The following MBOAT2 variants were observed in gnomAD, a reference collection of about 807,000 sequenced individuals.
MBOAT2 encodes membrane-bound glycerophospholipid O-acyltransferase 2.
A neutral mutation model predicts 63.4 loss-of-function variants in MBOAT2; 28 were observed. That is an observed-to-expected ratio of 0.44 (90% confidence interval 0.33 to 0.61). The LOEUF (loss-of-function observed/expected upper bound fraction) is 0.61, where lower values mean the gene tolerates loss of function less well. Among genes scored for constraint, MBOAT2 ranks in the 20% least tolerant of loss-of-function variants. The probability of loss-of-function intolerance (pLI) is 0.03; values close to 1 mark genes in which losing one functional copy is unlikely to be tolerated. For synonymous variants in MBOAT2, 211 were observed against 215.6 expected (o/e 0.98, Z 0.19); for missense variants, 470 against 605.8 (o/e 0.78, Z 2.35).
rs879169164 is a variant in MBOAT2, at chr2:8,928,359, C to T, written c.299+14828G>A. Among the ~76,000 whole-genome samples the T allele has an allele frequency of 7.9e-5, 12 of 152,110 alleles. 1 individual carries two copies. Among genetic ancestry groups the T allele is most frequent in the Admixed American group, 7.2e-4 (11 of 15,256 alleles). ...AAAGTGAGGGTGCAGAAACATGTGA[C>T]GCTAACGAGGGGCTAAGGTGACCCC... On this transcript the variant is annotated intron_variant, in intron 3 of 12. Coordinates refer to ENST00000305997, the MANE Select transcript of MBOAT2 (RefSeq NM_138799.4).
chr2:8,875,789 A>G (rs1331742981), intron 7 of MBOAT2, among the ~76,000 whole-genome samples: 1 of 152,248 alleles, frequency 6.6e-6, no homozygotes, highest in Non-Finnish European at 1.5e-5. Flanking sequence ...AGAGACACCA[A>G]TTTCAAGTCT....
At chr2:8,925,639 T>C (rs1666881348) in intron 3 of MBOAT2, among the ~76,000 whole-genome samples, 1 of 152,202 alleles carries the variant, frequency 6.6e-6, no homozygotes, top group African/African-American at 2.4e-5. Context: ...AGAATATACA[T>C]GTTAATCATC....
chr2:8,963,305 A>G (rs1669750221), intron 1 of MBOAT2, among the ~76,000 whole-genome samples: 1 of 151,904 alleles, frequency 6.6e-6, no homozygotes, highest in Non-Finnish European at 1.5e-5. Context: ...ACAAAAAGAA[A>G]CTAATTTTTT....
intron 7 of MBOAT2, among the ~76,000 whole-genome samples, chr2:8,874,934 C>T (rs1395353335): frequency 6.6e-6 from 1 of 152,170 alleles, no homozygotes; most frequent in Non-Finnish European, 1.5e-5. Context: ...GAAGATGGAG[C>T]TTGGATCTCT....
At chr2:8,975,509 G>T (rs1012446099) in intron 1 of MBOAT2, among the ~76,000 whole-genome samples, 1 of 152,066 alleles carries the variant, frequency 6.6e-6, no homozygotes, top group African/African-American at 2.4e-5. Context: ...GGATGAGCAC[G>T]TGGGGGCAAG....
At chr2:8,988,778 G>C (rs1167849984) in intron 1 of MBOAT2, among the ~76,000 whole-genome samples, 1 of 151,976 alleles carries the variant, frequency 6.6e-6, no homozygotes, top group African/African-American at 2.4e-5. Context: ...CTGTGAGAAT[G>C]AATTAAAAGG....
intron 3 of MBOAT2, among the ~76,000 whole-genome samples, chr2:8,939,025 A>T (rs907229269): frequency 6.6e-6 from 1 of 152,180 alleles, no homozygotes; most frequent in Non-Finnish European, 1.5e-5. Flanking sequence ...TGCCATACTG[A>T]ACTCCTTGGA....
intron 5 of MBOAT2, among the ~76,000 whole-genome samples, chr2:8,883,681 C>G (rs28410702): frequency 0.068 from 10,301 of 152,150 alleles, 377 homozygotes; most frequent in Middle Eastern, 0.095. Flanking sequence ...TTGCTGTAAA[C>G]CAGTATAGCA....
At chr2:8,925,105 T>TA (rs1666846851) in intron 3 of MBOAT2, among the ~76,000 whole-genome samples, 1 of 152,094 alleles carries the variant, frequency 6.6e-6, no homozygotes, top group Non-Finnish European at 1.5e-5. Context: ...TTCTAGTCAC[T>TA]AATAAAACCA....
At chr2:8,983,417 G>GA (rs1004396544) in intron 1 of MBOAT2, among the ~76,000 whole-genome samples, 4 of 151,886 alleles carry the variant, frequency 2.6e-5, no homozygotes, top group Non-Finnish European at 4.4e-5. Context: ...TTAAAATCTA[G>GA]AAAAAAACAT....
chr2:8,870,737 A>G (rs994998485), intron 8 of MBOAT2, among the ~76,000 whole-genome samples: 1 of 152,238 alleles, frequency 6.6e-6, no homozygotes, highest in Non-Finnish European at 1.5e-5. Flanking sequence ...TGCATGGAAT[A>G]ACTTTATTGC....
At chr2:8,990,311 A>T (rs1671840293) in intron 1 of MBOAT2, among the ~76,000 whole-genome samples, 1 of 152,212 alleles carries the variant, frequency 6.6e-6, no homozygotes, top group Admixed American at 6.5e-5. Context: ...ATCTGGAGAT[A>T]GAGACAAAAT....
In MBOAT2 at chr2:8,862,623, T is replaced by G; in HGVS notation, c.1152A>C (p.Leu384=). The G allele has an allele frequency of 1.2e-6, 2 of 1,613,028 alleles. No homozygotes were observed. Among genetic ancestry groups the G allele is most frequent in the Non-Finnish European group, 1.7e-6 (2 of 1,179,740 alleles). ...GVYPGYYLTF[L]TGVLMTLAAR... ...CTGCTAATGTCATTAACACCCCTGT[T>G]AGAAACGTTAGATAATATCCTGGGT... Residue 384 remains leucine, a synonymous_variant, in exon 11 of 13, where the codon CTA becomes CTC. Transcript: ENST00000305997. This position sits in a 1 kb window ranked among gnomAD's most constrained non-coding sequence, Gnocchi z 4.3.
In MBOAT2 at chr2:8,862,954, A is replaced by G. The variant is rs919079783; in HGVS notation, c.1053-232T>C. On this transcript the variant is annotated intron_variant, in intron 10 of 12. Transcript: ENST00000305997. The surrounding 1 kb of genome is among the most constrained non-coding windows in gnomAD (Gnocchi z 4.3). Reference sequence around the variant, plus strand: ...CTTCTTATTGGTATATATAGTATATATATTGGTATATATAGTAACTTAAAT... The same window carrying G: ...CTTCTTATTGGTATATATAGTATATGTATTGGTATATATAGTAACTTAAAT... Among the ~76,000 whole-genome samples, 2 of 151,112 alleles carry G rather than the reference A, an allele frequency of 1.3e-5. No individual in the cohort carries two copies. The highest frequency in any genetic ancestry group is 2.4e-5 in the African/African-American group (1 of 41,374).
In MBOAT2 at chr2:9,002,052, TGCACACCAGTGTGGAAATG is replaced by T. The variant is rs1469010108; in HGVS notation, c.75+1469_75+1487del. 6.8e-3 allele frequency among the ~76,000 whole-genome samples: 1,039 copies of T among 152,268 alleles called. 18 individuals are homozygous for T. The highest frequency in any genetic ancestry group is 0.024 in the African/African-American group (996 of 41,530). The stretch of plus-strand genomic sequence containing the variant: ...TGTGATATGCTAAAAGGTCATACAC[TGCACACCAGTGTGGAAATG>T]TCAGCAAGAATCCTCCGCGGGGCCG... On this transcript the variant is annotated intron_variant, in intron 1 of 12. Coordinates refer to ENST00000305997, the MANE Select transcript of MBOAT2 (RefSeq NM_138799.4).
intron 5 of MBOAT2, among the ~76,000 whole-genome samples, chr2:8,883,713 C>G (rs1434936236): frequency 1.3e-5 from 2 of 152,152 alleles, no homozygotes; most frequent in African/African-American, 4.8e-5. Context: ...AATCTTTCTA[C>G]CTTCTATTCC....
chr2:8,952,187 T>C (rs142978933), intron 2 of MBOAT2, among the ~76,000 whole-genome samples: 7 of 152,352 alleles, frequency 4.6e-5, no homozygotes, highest in African/African-American at 1.7e-4. Flanking sequence ...TCCGAAGCAA[T>C]TCAGGAGCAA....
chr2:8,868,668 T>C, intron 8 of MBOAT2, 119 bp from the exon 9 acceptor site: 1 of 818,420 alleles, frequency 1.2e-6, no homozygotes, highest in Non-Finnish European at 1.9e-6. Flanking sequence ...AGATTTATTC[T>C]GATTTTTAAG....
At chr2:8,896,028 A>G (rs1420452346) in intron 4 of MBOAT2, among the ~76,000 whole-genome samples, 2 of 151,860 alleles carry the variant, frequency 1.3e-5, no homozygotes, top group Non-Finnish European at 2.9e-5. Context: ...ACGAGGTCAG[A>G]AGATCGAGAC....
Sources: gnomAD v4.1 joint callset for allele counts (sites outside exome capture counted in the v4.1 genomes callset) on GRCh38, gnomAD v4.1.1 for gene constraint, Gnocchi (gnomAD v3.1) non-coding constraint, MANE v1.5 for transcripts, NCBI Gene and HGNC (gene_info 2026-07-23, HGNC 2026-07-21) for gene names.